KEAP1: variants seen among roughly 807,000 people sequenced by gnomAD.
The protein encoded by KEAP1 is kelch like ECH associated protein 1.
In KEAP1, 26 loss-of-function variants were observed where a neutral mutation model predicts 59.7. The observed-to-expected ratio is 0.44, with a 90% CI of 0.32 to 0.60. The LOEUF is 0.60. Ranked by LOEUF, KEAP1 falls within the 20% of genes least tolerant of loss-of-function variation. The pLI is 0.06. For missense variants in KEAP1, 539 were observed against 871.4 expected, an observed-to-expected ratio of 0.62 and a Z score of 4.80; for synonymous variants, 350 against 358.3, an observed-to-expected ratio of 0.98 and a Z score of 0.26.
At chr19:10,500,804 C>T (rs1222351939) in intron 1 of KEAP1, among the ~76,000 whole-genome samples, 2 of 151,776 alleles carry the variant, frequency 1.3e-5, no homozygotes, top group African/African-American at 2.4e-5. Context: ...CTCAGCCTCC[C>T]GAGTAGCTGG....
chr19:10,495,214 A>C (rs1410859852), intron 2 of KEAP1, among the ~76,000 whole-genome samples: 2 of 151,612 alleles, frequency 1.3e-5, no homozygotes, highest in Admixed American at 6.6e-5. Flanking sequence ...TGGAGTGCAG[A>C]GGTGCCACTG....
In KEAP1 at chr19:10,499,232, G is replaced by A. The variant is rs546839099; in HGVS notation, c.639+163C>T. Reference sequence around the variant, plus strand: ...ACTCTTGGCCTGAAGCAATCCCCCCGCCTCAGCCCCTCAAACTGTGGAGAC... The same window carrying A: ...ACTCTTGGCCTGAAGCAATCCCCCCACCTCAGCCCCTCAAACTGTGGAGAC... On this transcript the variant is annotated intron_variant, in intron 2 of 5. Coordinates refer to ENST00000171111, the MANE Select transcript of KEAP1 (RefSeq NM_203500.2). The surrounding 1 kb of genome is among the most constrained non-coding windows in gnomAD (Gnocchi z 6.7). 5.2e-4 allele frequency among the ~76,000 whole-genome samples: 79 copies of A among 151,802 alleles called. 1 individual carries two copies. Among genetic ancestry groups the A allele is most frequent in the South Asian group, 3.3e-3 (16 of 4,780 alleles).
At chr19:10,486,871 C>T in intron 5 of KEAP1, 53 bp from the exon 6 acceptor site, 3 of 1,565,644 alleles carry the variant, frequency 1.9e-6, no homozygotes, top group South Asian at 2.3e-5. Flanking sequence ...CATCCAAGAG[C>T]AGGGGACAGA....
rs959657036 is a variant in KEAP1, at chr19:10,502,193, C to T, written c.-48+1048G>A. On this transcript the variant is annotated intron_variant, in intron 1 of 5. Coordinates refer to ENST00000171111, the MANE Select transcript of KEAP1 (RefSeq NM_203500.2). The surrounding 1 kb of genome is among the most constrained non-coding windows in gnomAD (Gnocchi z 4.0). ...CCGTGCCTGCCAGAGCGGCCTCCTC[C>T]ACCCTCCCTGGGTGCCACTCGGCCC... 6.6e-6 allele frequency among the ~76,000 whole-genome samples: 1 copy of T among 152,178 alleles called. No individual in the cohort carries two copies. The highest frequency in any genetic ancestry group is 1.5e-5 in the Non-Finnish European group (1 of 68,028).
chr19:10,491,765 G>A lies in KEAP1; in HGVS notation c.1137C>T (p.Gly379=). ...VVGGLLYAVG[G]RNNSPDGNTD... ...TGTTGCCGTCGGGCGAGTTGTTCCTGCCGCCCACGGCGTACAACAGCCCGC... is the reference window on the plus strand; with the variant it reads ...TGTTGCCGTCGGGCGAGTTGTTCCTACCGCCCACGGCGTACAACAGCCCGC... Residue 379 remains glycine (G), a synonymous_variant, in exon 3 of 6, where the codon GGC becomes GGT. Coordinates refer to ENST00000171111, the MANE Select transcript of KEAP1 (RefSeq NM_203500.2). The surrounding 1 kb of genome is among the most constrained non-coding windows in gnomAD (Gnocchi z 5.2). 1 of 1,570,806 alleles carries A rather than the reference G, an allele frequency of 6.4e-7. No individual in the cohort carries two copies. The highest frequency in any genetic ancestry group is 8.6e-7 in the Non-Finnish European group (1 of 1,157,636).
At chr19:10,492,560 A>T (rs35817519) in intron 2 of KEAP1, 16,837 of 316,408 alleles carry the variant, frequency 0.053, 633 homozygotes, top group Non-Finnish European at 0.065. Context: ...TCTACTAAAA[A>T]TACAAAAATT....
chr19:10,489,949 T>A, intron 3 of KEAP1, 96 bp from the exon 4 acceptor site: 2 of 1,220,826 alleles, frequency 1.6e-6, no homozygotes, highest in South Asian at 2.9e-5. Flanking sequence ...CTTTTTTTTT[T>A]CCCCCTTAAA....
intron 5 of KEAP1, among the ~76,000 whole-genome samples, chr19:10,487,382 C>T (rs1411527020): frequency 6.6e-6 from 1 of 152,068 alleles, no homozygotes; most frequent in Non-Finnish European, 1.5e-5. Context: ...ATAGGCCACT[C>T]GCGGTGGCTC....
chr19:10,498,979 C>T (rs1179594287), intron 2 of KEAP1, among the ~76,000 whole-genome samples: 3 of 152,022 alleles, frequency 2.0e-5, no homozygotes, highest in Non-Finnish European at 4.4e-5. Context: ...GGACTACAGG[C>T]GCCCGCCACC....
At position 10,491,807 on chromosome 19, in the gene KEAP1, C is replaced by T. The variant is rs2144599238; in HGVS notation, c.1095G>A (p.Leu365=). The change falls in exon 3 of 6, where the codon CTG becomes CTA. Residue 365 remains leucine (L), a synonymous_variant. Transcript: ENST00000171111. The surrounding 1 kb of genome is among the most constrained non-coding windows in gnomAD (Gnocchi z 5.2). The part of the protein sequence containing the change: ...LADLQVPRSG[L]AGCVVGGLLY... Reference sequence around the variant, plus strand: ...ACAGCCCGCCCACCACGCAGCCGGCCAGGCCGCTCCGCGGCACCTGCAGGT... The same window carrying T: ...ACAGCCCGCCCACCACGCAGCCGGCTAGGCCGCTCCGCGGCACCTGCAGGT... 1 of 1,597,336 alleles carries T rather than the reference C, an allele frequency of 6.3e-7. No homozygotes were observed. The highest frequency in any genetic ancestry group is 8.5e-7 in the Non-Finnish European group (1 of 1,172,350).
chr19:10,497,662 T>G (rs535267931), intron 2 of KEAP1, among the ~76,000 whole-genome samples: 33 of 152,234 alleles, frequency 2.2e-4, no homozygotes, highest in Middle Eastern at 3.4e-3. Flanking sequence ...AGCCAGAGGA[T>G]TGTTCAAAGC....
rs200244765 is a variant in KEAP1, at chr19:10,491,855, G to A, written c.1047C>T (p.Asp349=). Residue 349 remains aspartate (D), a synonymous_variant, in exon 3 of 6, where the codon GAC becomes GAT. Transcript: ENST00000171111. The surrounding 1 kb of genome is among the most constrained non-coding windows in gnomAD (Gnocchi z 5.2). ...GGTCCGCCAACCGGAGCCAGGTGCC[G>A]TCACTGGGGTTGTAAGCCTCCAGGT... is the stretch of plus-strand genomic sequence containing the variant. The part of the protein sequence containing the change: ...LSYLEAYNPS[D]GTWLRLADLQ... The A allele has an allele frequency of 6.2e-7, 1 of 1,611,424 alleles. No homozygotes were observed. The highest frequency in any genetic ancestry group is 1.3e-5 in the African/African-American group (1 of 75,018).
At chr19:10,489,452 C>T in intron 4 of KEAP1, 84 bp from the exon 5 acceptor site, 2 of 1,384,118 alleles carry the variant, frequency 1.4e-6, no homozygotes, top group South Asian at 1.3e-5. Flanking sequence ...GAGACCTTTC[C>T]TCTCTCCTCT....
intron 2 of KEAP1, among the ~76,000 whole-genome samples, chr19:10,497,752 T>C (rs1160548772): frequency 1.3e-5 from 2 of 152,202 alleles, no homozygotes; most frequent in African/African-American, 4.8e-5. Flanking sequence ...AAATTAGCCA[T>C]GCGTGGTGCT....
intron 2 of KEAP1, among the ~76,000 whole-genome samples, chr19:10,497,248 C>G (rs1298387541): frequency 6.6e-6 from 1 of 152,156 alleles, no homozygotes; most frequent in African/African-American, 2.4e-5. Flanking sequence ...GACCACTTTC[C>G]TAGAAGCTGC....
At position 10,486,639 on chromosome 19, in the gene KEAP1, A is replaced by G; in HGVS notation, c.*13T>C. The G allele has an allele frequency of 6.2e-7, 1 of 1,611,064 alleles. No individual in the cohort carries two copies. The highest frequency in any genetic ancestry group is 8.5e-7 in the Non-Finnish European group (1 of 1,178,776). ...CCATTGGACTGTATTTTTGCCCAAG[A>G]AACAAAAGTGCCTCAACAGGTACAG... On this transcript the variant is annotated 3_prime_UTR_variant, in exon 6 of 6. Transcript: ENST00000171111.
At chr19:10,498,578 G>T (rs1181621998) in intron 2 of KEAP1, among the ~76,000 whole-genome samples, 1 of 152,112 alleles carries the variant, frequency 6.6e-6, no homozygotes, top group Non-Finnish European at 1.5e-5. Flanking sequence ...ACAGTATAAG[G>T]ACATTGTGTG....
At chr19:10,501,006 A>G (rs905485134) in intron 1 of KEAP1, among the ~76,000 whole-genome samples, 2 of 152,196 alleles carry the variant, frequency 1.3e-5, no homozygotes, top group African/African-American at 4.8e-5. Context: ...AAAATCTGGC[A>G]GACCAAGCCT....
In KEAP1 at chr19:10,486,465, G is replaced by T; in HGVS notation, c.*187C>A. The T allele has an allele frequency of 1.5e-6, 1 of 662,016 alleles. No individual in the cohort carries two copies. Among genetic ancestry groups the T allele is most frequent in the Non-Finnish European group, 2.6e-6 (1 of 380,480 alleles). The allele number at this position is 662,016 out of a possible 1,614,324, so 41.0% of individuals were successfully genotyped here. A position where few individuals can be genotyped will look rare whatever the true frequency, so the allele number is the denominator to read the frequency against. On this transcript the variant is annotated 3_prime_UTR_variant, in exon 6 of 6. Coordinates refer to ENST00000171111, the MANE Select transcript of KEAP1 (RefSeq NM_203500.2). ...CTGTCTTGGACACTCCCGGGGCTCC[G>T]CTGAGGGGCACATGATTCCCGCTTT...
Sources: gnomAD v4.1 joint callset for allele counts (sites outside exome capture counted in the v4.1 genomes callset) on GRCh38, gnomAD v4.1.1 for gene constraint, Gnocchi (gnomAD v3.1) non-coding constraint, MANE v1.5 for transcripts, NCBI Gene and HGNC (gene_info 2026-07-23, HGNC 2026-07-21) for gene names.